The following WDR35 variants were observed in gnomAD, a reference collection of about 807,000 sequenced individuals.
WDR35 encodes the protein WD repeat-containing protein 35.
A neutral mutation model predicts 158.3 loss-of-function variants in WDR35; 118 were observed. The ratio of observed to expected loss-of-function variants is 0.75; its 90% CI spans 0.64 to 0.87. WDR35 has a LOEUF of 0.87. WDR35 is among the 40% of genes least tolerant of loss of function. The pLI is 0.00. For synonymous variants in WDR35, 448 were observed against 476.1 expected, an observed-to-expected ratio of 0.94 and a Z score of 0.77; for missense variants, 1,263 against 1,405.8, an observed-to-expected ratio of 0.90 and a Z score of 1.62.
In WDR35 at chr2:19,966,846, C is replaced by T. The variant is rs151227688; in HGVS notation, c.1072G>A (p.Val358Ile). 9.0e-5 allele frequency: 146 copies of T among 1,613,798 alleles called. 1 individual carries two copies. In the African/African-American group the frequency reaches 1.8e-3, roughly 19 times the overall value. ...TTGTTTTTCGTATCCCAGAAGACAA[C>T]ACAATATTCTGGACGATCAGGTCTG... is the stretch of plus-strand genomic sequence containing the variant. ...YTRPDRPEYC[V>I]VFWDTKNNEK... Residue 358 changes from valine to isoleucine, a missense_variant, in exon 10 of 27, where the codon GTT becomes ATT. Transcript: ENST00000281405.
At chr2:19,982,270 G>T (rs1183188537) in intron 3 of WDR35, among the ~76,000 whole-genome samples, 193 bp downstream of exon 3, 1 of 152,216 alleles carries the variant, frequency 6.6e-6, no homozygotes, top group Non-Finnish European at 1.5e-5. Context: ...ACGATGTTCA[G>T]TAGGTTAGGT....
chr2:19,989,920 C>T (rs1228304483), intron 1 of WDR35, 72 bp downstream of exon 1: 3 of 1,600,778 alleles, frequency 1.9e-6, no homozygotes, highest in African/African-American at 1.3e-5. Flanking sequence ...CCTGGCTTCT[C>T]GGGAAGGCAG....
chr2:19,916,109 A>G (rs1572304172), intron 25 of WDR35, among the ~76,000 whole-genome samples: 1 of 152,248 alleles, frequency 6.6e-6, no homozygotes, highest in Non-Finnish European at 1.5e-5. Context: ...GAGCCAAAGC[A>G]GGGTGGGGCG....
chr2:19,941,991 T>TA, intron 16 of WDR35, 152 bp from the exon 17 acceptor site: 1 of 586,916 alleles, frequency 1.7e-6, no homozygotes, highest in Non-Finnish European at 3.1e-6. Flanking sequence ...ATAATTAGCA[T>TA]TATGGTAAAT....
At chr2:19,939,665 G>A (rs1037368840) in intron 17 of WDR35, among the ~76,000 whole-genome samples, 4 of 151,800 alleles carry the variant, frequency 2.6e-5, no homozygotes, top group Non-Finnish European at 2.9e-5. Context: ...GATGTTTAAC[G>A]GTAGTGACTA....
chr2:19,924,650 G>A (rs142083182), intron 25 of WDR35, among the ~76,000 whole-genome samples: 61 of 152,322 alleles, frequency 4.0e-4, no homozygotes, highest in South Asian at 2.1e-3. Context: ...TGACTGCCAG[G>A]CTGCTCTGCG....
In WDR35 at chr2:19,951,420, T is replaced by C. The variant is rs900767735; in HGVS notation, c.1465A>G (p.Ile489Val). ...GAAAAATTAAAATCACCTACTTGAA[T>C]GGTTTTACTATAATCAAGCACACCA... is the stretch of plus-strand genomic sequence containing the variant. The part of the protein sequence containing the change: ...MDGVLDYSKT[I>V]QGTRDPICAI... Residue 489 changes from isoleucine to valine, a missense_variant, in exon 13 of 27, where the codon ATT becomes GTT. Physicochemically the swap from Ile to Val is conservative, Grantham distance 29. Coordinates refer to ENST00000281405, the MANE Select transcript of WDR35 (RefSeq NM_020779.4). The C allele has an allele frequency of 1.2e-6, 2 of 1,609,086 alleles. No individual in the cohort carries two copies. The highest frequency in any genetic ancestry group is 1.7e-6 in the Non-Finnish European group (2 of 1,177,200).
At chr2:19,960,228 C>T (rs1025526318) in intron 11 of WDR35, among the ~76,000 whole-genome samples, 4 of 152,028 alleles carry the variant, frequency 2.6e-5, no homozygotes, top group Admixed American at 6.6e-5. Context: ...CTAATCATTA[C>T]GCTGCATACC....
chr2:19,937,273 G>A (rs1283210198), intron 19 of WDR35, among the ~76,000 whole-genome samples: 1 of 152,122 alleles, frequency 6.6e-6, no homozygotes, highest in Non-Finnish European at 1.5e-5. Context: ...TAATTCAAAA[G>A]AAGAAATATT....
chr2:19,975,477 T>A, intron 6 of WDR35, 53 bp downstream of exon 6: 1 of 1,559,298 alleles, frequency 6.4e-7, no homozygotes, highest in Non-Finnish European at 8.8e-7. Flanking sequence ...GAATGATATG[T>A]ACGATAATCA....
intron 25 of WDR35, among the ~76,000 whole-genome samples, chr2:19,916,639 G>A (rs1670000606): frequency 2.0e-5 from 3 of 152,174 alleles, no homozygotes; most frequent in Admixed American, 2.0e-4. Flanking sequence ...GAAACTGGGC[G>A]GAGCCCACCC....
intron 16 of WDR35, 69 bp downstream of exon 16, chr2:19,945,717 G>A (rs1671022956): frequency 1.3e-6 from 2 of 1,558,944 alleles, no homozygotes; most frequent in Non-Finnish European, 1.8e-6. Context: ...AGAAACAAAG[G>A]GGAATCATCC....
chr2:19,951,324 G>T (rs1558340841), intron 13 of WDR35, 91 bp downstream of exon 13: 2 of 1,178,656 alleles, frequency 1.7e-6, no homozygotes, highest in South Asian at 1.4e-5. Flanking sequence ...CTATTCACTG[G>T]AAACAAATTA....
intron 25 of WDR35, among the ~76,000 whole-genome samples, chr2:19,915,378 T>C (rs1192374217): frequency 1.3e-5 from 2 of 151,004 alleles, no homozygotes; most frequent in African/African-American, 2.4e-5. Flanking sequence ...CAAAGCATGA[T>C]AGGTTCAAGG....
chr2:19,930,331 A>C, intron 25 of WDR35, 65 bp downstream of exon 25: 3 of 1,599,196 alleles, frequency 1.9e-6, no homozygotes, highest in Non-Finnish European at 2.6e-6. Context: ...AAATTGAAGA[A>C]GCTAGCCCTT....
Position 19,966,860 on chromosome 2 carries a change from C to A in WDR35, c.1058G>T (p.Arg353Leu). 1 of 1,613,668 alleles carries A rather than the reference C, an allele frequency of 6.2e-7. No individual in the cohort carries two copies. Among genetic ancestry groups the A allele is most frequent in the South Asian group, 1.1e-5 (1 of 91,048 alleles). ...TVVYAYTRPD[R>L]PEYCVVFWDT... is the part of the protein sequence containing the mutation. The stretch of plus-strand genomic sequence containing the variant: ...CCAGAAGACAACACAATATTCTGGA[C>A]GATCAGGTCTGGTATATGCATAAAC... Residue 353 changes from arginine (R) to leucine (L), a missense_variant, in exon 10 of 27, where the codon CGT becomes CTT. Physicochemically the swap from Arg to Leu is moderately radical, Grantham distance 102. Transcript: ENST00000281405.
In WDR35 at chr2:19,934,470, C is replaced by T. The variant is rs1395957057; in HGVS notation, c.2548-959G>A. On this transcript the variant is annotated intron_variant, in intron 21 of 26. Transcript: ENST00000281405. The surrounding 1 kb of genome is among the most constrained non-coding windows in gnomAD (Gnocchi z 4.6). ...CTACTTAAATATTATGTACACCTTC[C>T]CATATTATTAAAAATTCTTCTATAA... Among the ~76,000 whole-genome samples, 1 of 151,752 alleles carries T rather than the reference C, an allele frequency of 6.6e-6. No individual in the cohort carries two copies. The highest frequency in any genetic ancestry group is 2.4e-5 in the African/African-American group (1 of 41,374).
intron 25 of WDR35, among the ~76,000 whole-genome samples, chr2:19,917,493 T>A (rs1469350675): frequency 1.3e-5 from 2 of 152,058 alleles, no homozygotes; most frequent in African/African-American, 2.4e-5. Flanking sequence ...GCTAAGAACC[T>A]TGAAAAAAGG....
chr2:19,954,580 A>G (rs1671362861), intron 11 of WDR35, among the ~76,000 whole-genome samples: 1 of 152,200 alleles, frequency 6.6e-6, no homozygotes, highest in Non-Finnish European at 1.5e-5. Context: ...ATGATCAACA[A>G]CATTAGCCAT....
Sources: allele counts gnomAD v4.1 joint callset (sites outside exome capture counted in the v4.1 genomes callset), GRCh38; gene constraint gnomAD v4.1.1; non-coding constraint Gnocchi (gnomAD v3.1); transcripts MANE v1.5; gene names NCBI Gene and HGNC (gene_info 2026-07-23, HGNC 2026-07-21).